BIK: variants seen among roughly 807,000 people sequenced by gnomAD.
The protein encoded by BIK is bcl-2-interacting killer.
BIK carries 14 observed loss-of-function variants against 12.1 expected under a neutral mutation model. That is an observed-to-expected ratio of 1.16 (90% CI 0.77 to 1.81). The LOEUF (loss-of-function observed/expected upper bound fraction) is 1.81, where lower values mean the gene tolerates loss of function less well. Ranked by LOEUF, BIK falls within the 40% of genes most tolerant of loss-of-function variation. BIK has a pLI of 0.00. For synonymous variants in BIK, 86 were observed against 92.3 expected (o/e 0.93, Z 0.39); for missense variants, 215 against 207.9 (o/e 1.03, Z -0.21).
Position 43,118,405 on chromosome 22 carries a change from C to T in BIK, c.-7-5611C>T, listed in dbSNP as rs75312573. ...GTAGTGTATGTTTTCATCCTCTCAG[C>T]AGCCCTGGAGGCCCGGCTGTTTCTG... On this transcript the variant is annotated intron_variant, in intron 1 of 4. Coordinates refer to ENST00000216115, the MANE Select transcript of BIK (RefSeq NM_001197.5). Among the ~76,000 whole-genome samples the T allele has an allele frequency of 4.8e-3, 736 of 152,326 alleles. 4 individuals are homozygous for T. Among genetic ancestry groups the T allele is most frequent in the Non-Finnish European group, 7.8e-3 (530 of 68,034 alleles).
intron 1 of BIK, among the ~76,000 whole-genome samples, chr22:43,122,735 C>A (rs149372570): frequency 6.6e-6 from 1 of 152,166 alleles, no homozygotes; most frequent in African/African-American, 2.4e-5. Flanking sequence ...GATGAGGACA[C>A]ATTTGGGTTC....
intron 1 of BIK, among the ~76,000 whole-genome samples, chr22:43,117,171 C>T (rs534323985): frequency 4.6e-5 from 7 of 152,260 alleles, no homozygotes; most frequent in Non-Finnish European, 7.4e-5. Flanking sequence ...TCCACTGTGA[C>T]GGACGGAGGT....
At chr22:43,125,271 T>TG (rs1395216941) in intron 2 of BIK, among the ~76,000 whole-genome samples, 1 of 152,222 alleles carries the variant, frequency 6.6e-6, no homozygotes, top group African/African-American at 2.4e-5. Context: ...TATCTTATGC[T>TG]GATGTCCTAT....
chr22:43,124,235 G>A, intron 2 of BIK, 52 bp downstream of exon 2: 1 of 1,593,320 alleles, frequency 6.3e-7, no homozygotes, highest in Admixed American at 1.7e-5. Context: ...CTTCAGGGGT[G>A]GGCTGGATGA....
intron 4 of BIK, 134 bp from the exon 5 acceptor site, chr22:43,129,079 T>C: frequency 1.3e-6 from 2 of 1,502,366 alleles, no homozygotes; most frequent in Non-Finnish European, 1.8e-6. Context: ...CCTGAACTCC[T>C]TCCTTCTCTG....
chr22:43,127,705 T>C lies in BIK; in HGVS notation c.170T>C (p.Leu57Ser), dbSNP rs1482177816. 1.3e-6 allele frequency: 2 copies of C among 1,554,552 alleles called. No individual in the cohort carries two copies. The highest frequency in any genetic ancestry group is 1.4e-5 in the African/African-American group (1 of 73,506). Reference sequence around the variant, plus strand: ...GTGTGTGCTCCCTGCAGTGACGCATTGGCCCTGCGGCTGGCCTGCATCGGG... The same window carrying C: ...GTGTGTGCTCCCTGCAGTGACGCATCGGCCCTGCGGCTGGCCTGCATCGGG... ...SLECMEGSDA[L>S]ALRLACIGDE... Residue 57 changes from leucine (L) to serine (S), a missense_variant, in exon 3 of 5, where the codon TTG becomes TCG. Physicochemically the swap from Leu to Ser is moderately radical, Grantham distance 145. Coordinates refer to ENST00000216115, the MANE Select transcript of BIK (RefSeq NM_001197.5).
Position 43,129,256 on chromosome 22 carries a change from CGCT to C in BIK, c.443_445del (p.Leu148del), listed in dbSNP as rs755054456. 1 of 1,593,278 alleles carries C rather than the reference CGCT, an allele frequency of 6.3e-7. No individual in the cohort carries two copies. Among genetic ancestry groups the C allele is most frequent in the Non-Finnish European group, 8.5e-7 (1 of 1,174,354 alleles). On this transcript the variant is annotated inframe_deletion, in exon 5 of 5. Coordinates refer to ENST00000216115, the MANE Select transcript of BIK (RefSeq NM_001197.5). ...CTGCTGGCGCTGCTGCTGCTGCTGG[CGCT>C]GCTGCTGCCGCTGCTCAGCGGGGGC...
rs143264604 is a variant in BIK at position 43,128,553 on chromosome 22, T to C, written c.318T>C (p.Ser106=). The change falls in exon 4 of 5, where the codon AGT becomes AGC. Residue 106 remains serine (S), a synonymous_variant. Coordinates refer to ENST00000216115, the MANE Select transcript of BIK (RefSeq NM_001197.5). ...QTEDIRDVLR[S]FMDGFTTLKE... Reference sequence around the variant, plus strand: ...AGGACATCAGGGATGTTCTTAGAAGTTTCATGGACGGTTTCACCACACTTA... The same window carrying C: ...AGGACATCAGGGATGTTCTTAGAAGCTTCATGGACGGTTTCACCACACTTA... 1.2e-6 allele frequency: 2 copies of C among 1,613,962 alleles called. No individual in the cohort carries two copies. The highest frequency in any genetic ancestry group is 1.1e-5 in the South Asian group (1 of 91,084).
rs767540756 is a variant in BIK at position 43,127,700 on chromosome 22, C to G, written c.165C>G (p.Asp55Glu). 1.1e-5 allele frequency: 17 copies of G among 1,553,346 alleles called. No homozygotes were observed. The highest frequency in any genetic ancestry group is 8.2e-5 in the African/African-American group (6 of 73,336). Residue 55 changes from aspartate (D) to glutamate (E), a missense_variant, in exon 3 of 5, where the codon GAC becomes GAG. Asp to Glu is a conservative substitution (Grantham distance 45). Coordinates refer to ENST00000216115, the MANE Select transcript of BIK (RefSeq NM_001197.5). ...FDSLECMEGS[D>E]ALALRLACIG... ...CTCCTGTGTGTGCTCCCTGCAGTGACGCATTGGCCCTGCGGCTGGCCTGCA... is the reference window on the plus strand; with the variant it reads ...CTCCTGTGTGTGCTCCCTGCAGTGAGGCATTGGCCCTGCGGCTGGCCTGCA...
At chr22:43,120,719 C>T (rs991181036) in intron 1 of BIK, among the ~76,000 whole-genome samples, 1 of 152,158 alleles carries the variant, frequency 6.6e-6, no homozygotes, top group African/African-American at 2.4e-5. Context: ...CCCCACCTTC[C>T]GCTCCCTGGC....
chr22:43,128,395 G>T, intron 3 of BIK, 101 bp from the exon 4 acceptor site: 1 of 1,454,690 alleles, frequency 6.9e-7, no homozygotes, highest in Non-Finnish European at 9.5e-7. Flanking sequence ...GGAGGGCACA[G>T]GCCCCTGCTC....
At chr22:43,113,112 G>C (rs1405545750) in intron 1 of BIK, among the ~76,000 whole-genome samples, 1 of 152,156 alleles carries the variant, frequency 6.6e-6, no homozygotes, top group Admixed American at 6.5e-5. Context: ...GCTGAGGCAG[G>C]AGAACTGCTT....
chr22:43,127,598 G>C, intron 2 of BIK, 99 bp from the exon 3 acceptor site: 3 of 1,083,922 alleles, frequency 2.8e-6, no homozygotes, highest in Non-Finnish European at 4.0e-6. Flanking sequence ...TATCCTCTGG[G>C]CCACTCCCAG....
chr22:43,111,652 G>A (rs182846960), intron 1 of BIK, among the ~76,000 whole-genome samples: 1 of 152,194 alleles, frequency 6.6e-6, no homozygotes, highest in African/African-American at 2.4e-5. Context: ...CCACTCGTGG[G>A]GTAGGACGTG....
intron 3 of BIK, 144 bp downstream of exon 3, chr22:43,127,939 G>C: frequency 1.2e-6 from 1 of 807,188 alleles, no homozygotes; most frequent in South Asian, 1.9e-5. Context: ...GAAACCCTTG[G>C]CTGCTTCCCG....
intron 1 of BIK, among the ~76,000 whole-genome samples, chr22:43,111,646 T>G (rs1930014260): frequency 6.6e-6 from 1 of 152,196 alleles, no homozygotes; most frequent in Admixed American, 6.5e-5. Context: ...AATGAGCCAC[T>G]CGTGGGGTAG....
At chr22:43,124,262 C>T (rs530718186) in intron 2 of BIK, 79 bp downstream of exon 2, 260 of 1,515,394 alleles carry the variant, frequency 1.7e-4, no homozygotes, top group African/African-American at 2.4e-4. Flanking sequence ...ATTCTATGAG[C>T]GGGGGAGCGC....
chr22:43,112,268 G>T (rs951972914), intron 1 of BIK, among the ~76,000 whole-genome samples: 2 of 151,992 alleles, frequency 1.3e-5, no homozygotes, highest in African/African-American at 4.8e-5. Flanking sequence ...GCGCCGTCTC[G>T]GCTAACTGCA....
chr22:43,114,579 G>A (rs1480600785), intron 1 of BIK, among the ~76,000 whole-genome samples: 4 of 152,174 alleles, frequency 2.6e-5, no homozygotes, highest in Non-Finnish European at 5.9e-5. Flanking sequence ...GGGATTACAG[G>A]TGCGAGCCAC....
Sources: allele counts gnomAD v4.1 joint callset (sites outside exome capture counted in the v4.1 genomes callset), GRCh38; gene constraint gnomAD v4.1.1; transcripts MANE v1.5; gene names NCBI Gene and HGNC (gene_info 2026-07-23, HGNC 2026-07-21).